Variants in SMARCA4 observed in about 807,000 individuals in gnomAD.
The protein encoded by SMARCA4 is SWI/SNF-related matrix-associated actin-dependent regulator of chromatin subfamily A member 4.
In SMARCA4, 31 loss-of-function variants were observed where a neutral mutation model predicts 193.9. That is an observed-to-expected ratio of 0.16 (90% CI 0.12 to 0.22). The LOEUF (loss-of-function observed/expected upper bound fraction) is 0.22, where lower values mean the gene tolerates loss of function less well. Among genes scored for constraint, SMARCA4 ranks in the 10% least tolerant of loss-of-function variants. The pLI, the probability that SMARCA4 is intolerant of heterozygous loss-of-function variation, is 1.00. For missense variants in SMARCA4, 1,148 were observed against 2,296.0 expected (o/e 0.50, Z 10.22); for synonymous variants, 942 against 933.1 (o/e 1.01, Z -0.17).
chr19:11,001,447 T>C (rs1207087349), intron 11 of SMARCA4, among the ~76,000 whole-genome samples: 1 of 152,078 alleles, frequency 6.6e-6, no homozygotes, highest in Non-Finnish European at 1.5e-5. Context: ...TGAGCCCGTC[T>C]CCAAAAAATA....
intron 11 of SMARCA4, 96 bp from the exon 12 acceptor site, chr19:11,002,933 G>A (rs1484133835): frequency 2.1e-6 from 3 of 1,407,948 alleles, no homozygotes; most frequent in African/African-American, 2.8e-5. Flanking sequence ...CATTTTCTGT[G>A]CAAACAGTTG....
In SMARCA4 at chr19:11,041,662, T is replaced by G. The variant is rs1051691370; in HGVS notation, c.4424+102T>G. 4.0e-6 allele frequency: 4 copies of G among 997,486 alleles called. No individual in the cohort carries two copies. The African/African-American group carries it at 6.4e-5, about 16-fold the overall frequency. 61.8% of individuals were successfully genotyped at this position (997,486 alleles called of 1,614,324 possible). A position where few individuals can be genotyped will look rare whatever the true frequency, so the allele number is the denominator to read the frequency against. Reference sequence around the variant, plus strand: ...GCACACTCAGGCTTGGGCCGCTCACTCTTTCACTCATCCACAAACACTGAC... The same window carrying G: ...GCACACTCAGGCTTGGGCCGCTCACGCTTTCACTCATCCACAAACACTGAC... On this transcript the variant is annotated intron_variant, in intron 30 of 34. Coordinates refer to ENST00000344626, the MANE Select transcript of SMARCA4 (RefSeq NM_003072.5). The surrounding 1 kb of genome is among the most constrained non-coding windows in gnomAD (Gnocchi z 5.6).
At chr19:11,048,127 T>C (rs1242254062) in intron 30 of SMARCA4, among the ~76,000 whole-genome samples, 1 of 152,196 alleles carries the variant, frequency 6.6e-6, no homozygotes, top group African/African-American at 2.4e-5. Context: ...AGAGCTTGAA[T>C]GGAATAAAGT....
At chr19:11,045,376 C>G (rs1276207641) in intron 30 of SMARCA4, among the ~76,000 whole-genome samples, 1 of 152,046 alleles carries the variant, frequency 6.6e-6, no homozygotes, top group African/African-American at 2.4e-5. Flanking sequence ...AGAAGCTGAT[C>G]CACAGTAATG....
In SMARCA4 at chr19:11,041,196, G is replaced by A. The variant is rs1343923761; in HGVS notation, c.4171-111G>A. On this transcript the variant is annotated intron_variant, in intron 29 of 34. Coordinates refer to ENST00000344626, the MANE Select transcript of SMARCA4 (RefSeq NM_003072.5). The surrounding 1 kb of genome is among the most constrained non-coding windows in gnomAD (Gnocchi z 5.6). ...GAGCCAGTCAAGCTGAAGGGAGAGC[G>A]GGTGCGGGGGCCCTCCTCCGTGTCC... The A allele has an allele frequency of 2.0e-5, 23 of 1,135,626 alleles. No individual in the cohort carries two copies. Among genetic ancestry groups the A allele is most frequent in the Admixed American group, 4.1e-5 (2 of 48,224 alleles). 70.3% of individuals were successfully genotyped at this position (1,135,626 alleles called of 1,614,324 possible).
At position 10,984,301 on chromosome 19, in the gene SMARCA4, C is replaced by T. The variant is rs2145724807; in HGVS notation, c.150C>T (p.Pro50=). 2 of 1,607,700 alleles carry T rather than the reference C, an allele frequency of 1.2e-6. No individual in the cohort carries two copies. The change falls in exon 2 of 35, where the codon CCC becomes CCT. Residue 50 remains proline (P), a synonymous_variant. Coordinates refer to ENST00000344626, the MANE Select transcript of SMARCA4 (RefSeq NM_003072.5). The surrounding 1 kb of genome is among the most constrained non-coding windows in gnomAD (Gnocchi z 4.3). The part of the protein sequence containing the change: ...HSMMGPSPGP[P]SAGHPIPTQG... ...TGATGGGGCCCAGCCCAGGGCCGCC[C>T]TCAGCAGGACACCCCATCCCCACCC...
chr19:11,016,657 A>G (rs947388434), intron 16 of SMARCA4, among the ~76,000 whole-genome samples: 1 of 152,034 alleles, frequency 6.6e-6, no homozygotes, highest in Non-Finnish European at 1.5e-5. Flanking sequence ...GTATTCAGTC[A>G]TTTGTTAATA....
intron 1 of SMARCA4, among the ~76,000 whole-genome samples, chr19:10,982,854 T>G (rs886430915): frequency 6.6e-6 from 1 of 152,174 alleles, no homozygotes; most frequent in Admixed American, 6.5e-5. Context: ...TCTACACTTC[T>G]TACAGAATTT....
chr19:11,048,900 A>C (rs781416851), intron 30 of SMARCA4, among the ~76,000 whole-genome samples: 3 of 152,218 alleles, frequency 2.0e-5, no homozygotes, highest in Non-Finnish European at 4.4e-5. Flanking sequence ...ATTCACAGCC[A>C]TGAGGCCGCT....
intron 30 of SMARCA4, among the ~76,000 whole-genome samples, chr19:11,057,221 C>T (rs566978663): frequency 2.6e-5 from 4 of 152,340 alleles, no homozygotes; most frequent in South Asian, 2.1e-4. Flanking sequence ...TCCCAGCCTG[C>T]GGGCTGGGTT....
In SMARCA4 at chr19:10,984,424, TGCAGGCA is replaced by T; in HGVS notation, c.222+54_222+60del. On this transcript the variant is annotated intron_variant, in intron 2 of 34. Transcript: ENST00000344626. The surrounding 1 kb of genome is among the most constrained non-coding windows in gnomAD (Gnocchi z 4.3). ...ACCTGCGGCCTCTGCCCACTAGGGC[TGCAGGCA>T]GCCTCTGGACCGAGGGCCTTACTTG... 6.4e-7 allele frequency: 1 copy of T among 1,550,884 alleles called. No individual in the cohort carries two copies. Among genetic ancestry groups the T allele is most frequent in the Non-Finnish European group, 8.7e-7 (1 of 1,147,538 alleles).
intron 8 of SMARCA4, among the ~76,000 whole-genome samples, chr19:10,992,513 C>T (rs1200464721): frequency 1.3e-5 from 2 of 151,624 alleles, no homozygotes; most frequent in Non-Finnish European, 2.9e-5. Context: ...CAACCTCTGC[C>T]TCCTGGGTTC....
chr19:11,013,143 C>T (rs539460219), intron 16 of SMARCA4, 31 bp downstream of exon 16: 39 of 1,611,214 alleles, frequency 2.4e-5, no homozygotes, highest in East Asian at 1.1e-4. Flanking sequence ...ACATCCCACA[C>T]GCCGCTCACA....
At chr19:11,028,574 A>T (rs2090423113) in intron 24 of SMARCA4, among the ~76,000 whole-genome samples, 1 of 152,160 alleles carries the variant, frequency 6.6e-6, no homozygotes. Context: ...GGAGGGAGGG[A>T]AGCAAGCACT....
At chr19:11,059,626 G>A in intron 32 of SMARCA4, 127 bp from the exon 33 acceptor site, 1 of 1,062,828 alleles carries the variant, frequency 9.4e-7, no homozygotes, top group Non-Finnish European at 1.4e-6. Context: ...GACCCGCTGA[G>A]GCTCGCATTG....
Position 11,019,546 on chromosome 19 carries a change from C to T in SMARCA4, c.2506-45C>T. 1 of 1,353,710 alleles carries T rather than the reference C, an allele frequency of 7.4e-7. No homozygotes were observed. The highest frequency in any genetic ancestry group is 1.9e-5 in the Admixed American group (1 of 53,172). 83.9% of individuals were successfully genotyped at this position (1,353,710 alleles called of 1,614,324 possible). A position where few individuals can be genotyped will look rare whatever the true frequency, so the allele number is the denominator to read the frequency against. ...GCCTGTGCCCCTCTTGCCACCTGGC[C>T]ACCCGGCTCCAAAAGCCGAGCTGTG... is the stretch of plus-strand genomic sequence containing the variant. On this transcript the variant is annotated intron_variant, in intron 17 of 34. Coordinates refer to ENST00000344626, the MANE Select transcript of SMARCA4 (RefSeq NM_003072.5). This position sits in a 1 kb window ranked among gnomAD's most constrained non-coding sequence, Gnocchi z 6.1.
intron 6 of SMARCA4, among the ~76,000 whole-genome samples, chr19:10,988,739 T>C (rs2145836682): frequency 6.6e-6 from 1 of 152,310 alleles, no homozygotes; most frequent in East Asian, 1.9e-4. Context: ...CTTTATGGCC[T>C]GTGTTTTCTA....
At chr19:11,053,827 C>T (rs2076394097) in intron 30 of SMARCA4, among the ~76,000 whole-genome samples, 1 of 152,150 alleles carries the variant, frequency 6.6e-6, no homozygotes, top group Admixed American at 6.6e-5. Context: ...AGTAGGATCT[C>T]ATGAGCCCAG....
intron 14 of SMARCA4, 199 bp downstream of exon 14, chr19:11,008,222 T>G: frequency 1.8e-6 from 1 of 558,908 alleles, no homozygotes; most frequent in Non-Finnish European, 3.4e-6. Context: ...TGCATTCGCA[T>G]GGTTCACCAT....
Sources: gnomAD v4.1 joint callset for allele counts (sites outside exome capture counted in the v4.1 genomes callset) on GRCh38, gnomAD v4.1.1 for gene constraint, Gnocchi (gnomAD v3.1) non-coding constraint, MANE v1.5 for transcripts, NCBI Gene and HGNC (gene_info 2026-07-23, HGNC 2026-07-21) for gene names.